Variants in BARX2 observed in about 807,000 individuals in gnomAD.
BARX2 encodes homeobox protein BarH-like 2.
Under a neutral mutation model 25.5 loss-of-function variants are expected in BARX2, and 11 were observed. The ratio of observed to expected loss-of-function variants is 0.43; its 90% CI spans 0.27 to 0.71. The LOEUF is 0.71. BARX2 is among the 30% of genes least tolerant of loss of function. The pLI, the probability that BARX2 is intolerant of heterozygous loss-of-function variation, is 0.19. For synonymous variants in BARX2, 137 were observed against 149.5 expected, an observed-to-expected ratio of 0.92 and a Z score of 0.61; for missense variants, 360 against 359.9, an observed-to-expected ratio of 1.00 and a Z score of 0.00.
At chr11:129,380,999 A>G (rs1363943988) in intron 1 of BARX2, among the ~76,000 whole-genome samples, 1 of 151,822 alleles carries the variant, frequency 6.6e-6, no homozygotes, top group African/African-American at 2.4e-5. Context: ...CTGGTCTCGA[A>G]CTCCTAATCT....
chr11:129,382,138 T>C (rs190231453), intron 1 of BARX2, among the ~76,000 whole-genome samples: 31 of 152,314 alleles, frequency 2.0e-4, no homozygotes, highest in Admixed American at 1.3e-3. Flanking sequence ...GATGCAAAGG[T>C]AGGTACGTCA....
intron 1 of BARX2, among the ~76,000 whole-genome samples, chr11:129,424,972 G>A (rs1862046981): frequency 6.6e-6 from 1 of 152,194 alleles, no homozygotes; most frequent in Non-Finnish European, 1.5e-5. Context: ...AAAAAAATCA[G>A]TGCCTTTTTT....
chr11:129,409,424 A>G (rs543787348), intron 1 of BARX2, among the ~76,000 whole-genome samples: 1 of 151,580 alleles, frequency 6.6e-6, no homozygotes, highest in South Asian at 2.1e-4. Context: ...CCCACCACAT[A>G]CACATTCCCC....
chr11:129,385,449 T>C (rs139891637), intron 1 of BARX2, among the ~76,000 whole-genome samples: 325 of 152,322 alleles, frequency 2.1e-3, no homozygotes, highest in African/African-American at 7.4e-3. Context: ...TGCAATGAAA[T>C]TCTATGCAGC....
intron 2 of BARX2, among the ~76,000 whole-genome samples, chr11:129,438,847 T>C (rs7126004): frequency 0.22 from 33,594 of 151,922 alleles, 4,492 homozygotes; most frequent in African/African-American, 0.38. Context: ...GCGTGGGAGA[T>C]GGGGTTAGGG....
intron 1 of BARX2, among the ~76,000 whole-genome samples, chr11:129,427,462 T>C (rs1266297883): frequency 1.3e-5 from 2 of 152,202 alleles, no homozygotes; most frequent in African/African-American, 4.8e-5. Flanking sequence ...ATCTGCATAC[T>C]TCTGGACCAG....
chr11:129,445,382 C>G (rs1051158878), intron 3 of BARX2, among the ~76,000 whole-genome samples: 2 of 152,248 alleles, frequency 1.3e-5, no homozygotes, highest in African/African-American at 4.8e-5. Context: ...AGGCAGCCTC[C>G]TCTGCCAGCA....
At chr11:129,441,254 C>T (rs1022963083) in intron 2 of BARX2, among the ~76,000 whole-genome samples, 1 of 152,018 alleles carries the variant, frequency 6.6e-6, no homozygotes, top group East Asian at 1.9e-4. Flanking sequence ...GGTGTGAGCC[C>T]CAATGCAGGA....
chr11:129,451,250 G>A lies in BARX2; in HGVS notation c.688G>A (p.Gly230Ser), dbSNP rs1393692612. 8 of 1,614,014 alleles carry A rather than the reference G, an allele frequency of 5.0e-6. No homozygotes were observed. Among genetic ancestry groups the A allele is most frequent in the East Asian group, 4.5e-5 (2 of 44,900 alleles). ...AGAGAAGATGAACAGCCAGGCCCAG[G>A]GTCAGGAGCAGCTGGAGCCCTCTCA... ...AEEKMNSQAQ[G>S]QEQLEPSQGQ... is the part of the protein sequence containing the mutation. Residue 230 changes from glycine to serine, a missense_variant, in exon 4 of 4, where the codon GGT (glycine) becomes AGT (serine). Coordinates refer to ENST00000281437, the MANE Select transcript of BARX2 (RefSeq NM_003658.5).
At chr11:129,393,107 C>T (rs1051979251) in intron 1 of BARX2, among the ~76,000 whole-genome samples, 4 of 151,814 alleles carry the variant, frequency 2.6e-5, no homozygotes, top group Non-Finnish European at 5.9e-5. Flanking sequence ...CTTGTCTCTA[C>T]TGAAAATAAA....
chr11:129,446,028 AGAACCGAGATAGCATCTCTGAC>A (rs1378253439), intron 3 of BARX2, among the ~76,000 whole-genome samples: 2 of 152,230 alleles, frequency 1.3e-5, no homozygotes, highest in Non-Finnish European at 1.5e-5. Flanking sequence ...TAACTTTGCC[AGAACCGAGATAGCATCTCTGAC>A]GAATTCTGAC....
chr11:129,396,643 C>T (rs558354395), intron 1 of BARX2, among the ~76,000 whole-genome samples: 3 of 151,508 alleles, frequency 2.0e-5, no homozygotes, highest in African/African-American at 4.9e-5. Context: ...GGTGGGGGGA[C>T]GGGGTGAGGT....
chr11:129,429,960 C>T (rs1389285533), intron 1 of BARX2, among the ~76,000 whole-genome samples: 2 of 152,334 alleles, frequency 1.3e-5, no homozygotes, highest in East Asian at 1.9e-4. Context: ...AAAAATGTGT[C>T]CCCATCTCTC....
rs140981609 is a variant in BARX2 at position 129,436,980 on chromosome 11, C to T, written c.417C>T (p.Ile139=). 3.1e-5 allele frequency: 50 copies of T among 1,609,498 alleles called. No homozygotes were observed. In the African/African-American group the frequency reaches 5.9e-4, roughly 19 times the overall value. ...RQKKPRRSRT[I]FTELQLMGLE... Reference sequence around the variant, plus strand: ...AGAAGCCCCGCCGGAGTCGCACCATCTTCACCGAGCTGCAGCTCATGGGCC... The same window carrying T: ...AGAAGCCCCGCCGGAGTCGCACCATTTTCACCGAGCTGCAGCTCATGGGCC... The change falls in exon 2 of 4, where the codon ATC becomes ATT. Residue 139 remains isoleucine, a synonymous_variant. Coordinates refer to ENST00000281437, the MANE Select transcript of BARX2 (RefSeq NM_003658.5). This position sits in a 1 kb window ranked among gnomAD's most constrained non-coding sequence, Gnocchi z 4.5.
At position 129,388,712 on chromosome 11, in the gene BARX2, T is replaced by A. The variant is rs112767989; in HGVS notation, c.187+12490T>A. On this transcript the variant is annotated intron_variant, in intron 1 of 3. Transcript: ENST00000281437. ...AGTGGATTCTGGGAATCTCTATTTT[T>A]AAAAACCTTTCTGTATGATTGCAAT... 4.7e-3 allele frequency among the ~76,000 whole-genome samples: 712 copies of A among 152,294 alleles called. 7 individuals carry two copies. Among genetic ancestry groups the A allele is most frequent in the African/African-American group, 0.016 (670 of 41,568 alleles).
intron 1 of BARX2, among the ~76,000 whole-genome samples, chr11:129,408,387 G>A (rs1449989566): frequency 6.6e-6 from 1 of 152,084 alleles, no homozygotes; most frequent in Non-Finnish European, 1.5e-5. Flanking sequence ...ATTGAAAAAG[G>A]AATAATAAAA....
intron 1 of BARX2, among the ~76,000 whole-genome samples, chr11:129,418,806 G>T (rs1363491556): frequency 6.6e-6 from 1 of 152,096 alleles, no homozygotes; most frequent in Non-Finnish European, 1.5e-5. Flanking sequence ...TAACTATGTT[G>T]GAATGCACAT....
intron 1 of BARX2, among the ~76,000 whole-genome samples, chr11:129,391,452 G>A (rs778735489): frequency 1.8e-4 from 28 of 152,140 alleles, no homozygotes; most frequent in Non-Finnish European, 4.0e-4. Context: ...TTGACTTGCT[G>A]GCCCTTTACA....
intron 2 of BARX2, 80 bp downstream of exon 2, chr11:129,437,131 C>T (rs1862200914): frequency 5.7e-6 from 8 of 1,391,424 alleles, no homozygotes; most frequent in Non-Finnish European, 7.7e-6. Context: ...GCCGTGGAGC[C>T]ACAGCACTGG....
Sources: gnomAD v4.1 joint callset for allele counts (sites outside exome capture counted in the v4.1 genomes callset) on GRCh38, gnomAD v4.1.1 for gene constraint, Gnocchi (gnomAD v3.1) non-coding constraint, MANE v1.5 for transcripts, NCBI Gene and HGNC (gene_info 2026-07-23, HGNC 2026-07-21) for gene names.